ARK2C: variants seen among roughly 807,000 people sequenced by gnomAD.
The protein encoded by ARK2C is E3 ubiquitin-protein ligase ARK2C.
chr18:46,435,625 C>T, the ARK2C span, among the ~76,000 whole-genome samples: 2 of 152,144 alleles, frequency 1.3e-5, no homozygotes, highest in African/African-American at 2.4e-5. Context: ...ATATGCCCAT[C>T]GTAGGACACA....
At chr18:46,368,337 G>A in the ARK2C span, among the ~76,000 whole-genome samples, 1 of 152,092 alleles carries the variant, frequency 6.6e-6, no homozygotes, top group East Asian at 1.9e-4. Flanking sequence ...TTCCCCCATT[G>A]CCTCCCTTTC....
the ARK2C span, among the ~76,000 whole-genome samples, chr18:46,363,090 A>C: frequency 6.6e-6 from 1 of 152,134 alleles, no homozygotes; most frequent in Non-Finnish European, 1.5e-5. Context: ...CTATATCCCC[A>C]TTGTCTGGCC....
At chr18:46,395,943 C>T in the ARK2C span, among the ~76,000 whole-genome samples, 4 of 152,198 alleles carry the variant, frequency 2.6e-5, no homozygotes, top group Admixed American at 1.3e-4. Context: ...CACTCAGACA[C>T]GTGTGGCTTG....
At chr18:46,342,905 G>GT in the ARK2C span, among the ~76,000 whole-genome samples, 1 of 152,160 alleles carries the variant, frequency 6.6e-6, no homozygotes, top group Non-Finnish European at 1.5e-5. Context: ...TTTTGGGGGG[G>GT]AGTGGAGCTG....
the ARK2C span, among the ~76,000 whole-genome samples, chr18:46,370,983 T>C: frequency 6.6e-6 from 1 of 152,064 alleles, no homozygotes; most frequent in Non-Finnish European, 1.5e-5. Flanking sequence ...GGGTAATTTA[T>C]AAAGAAAAAG....
chr18:46,371,883 C>T, the ARK2C span, among the ~76,000 whole-genome samples: 4 of 152,220 alleles, frequency 2.6e-5, no homozygotes, highest in African/African-American at 9.6e-5. Flanking sequence ...TAGACTTAGA[C>T]ATAGGCTGGG....
the ARK2C span, among the ~76,000 whole-genome samples, chr18:46,396,896 A>G: frequency 6.2e-4 from 95 of 152,278 alleles, no homozygotes; most frequent in African/African-American, 2.0e-3. Context: ...TAATTGTCCA[A>G]CTGGCTCAGT....
chr18:46,343,807 C>A, the ARK2C span, among the ~76,000 whole-genome samples: 1 of 152,212 alleles, frequency 6.6e-6, no homozygotes, highest in East Asian at 1.9e-4. Context: ...CCAGGTCATA[C>A]CATGCAGTAG....
At chr18:46,441,354 G>C in the ARK2C span, among the ~76,000 whole-genome samples, 4 of 152,130 alleles carry the variant, frequency 2.6e-5, no homozygotes, top group African/African-American at 9.7e-5. Flanking sequence ...CATGTAGCTG[G>C]GATTACAGGT....
chr18:46,368,620 G>T, the ARK2C span, among the ~76,000 whole-genome samples: 235 of 152,318 alleles, frequency 1.5e-3, 1 homozygote, highest in Middle Eastern at 6.8e-3. Flanking sequence ...CTATGGAGTC[G>T]AGTCTTAATC....
chr18:46,459,842 A>T, the ARK2C span: 1 of 152,684 alleles, frequency 6.5e-6, no homozygotes, highest in Non-Finnish European at 1.5e-5. Context: ...CCTCCTGCTC[A>T]ACTCAAGGGA....
chr18:46,366,249 G>A, the ARK2C span, among the ~76,000 whole-genome samples: 5 of 131,784 alleles, frequency 3.8e-5, no homozygotes, highest in South Asian at 1.0e-3. Flanking sequence ...CCAAGATCAC[G>A]CCAGTGCACT....
the ARK2C span, among the ~76,000 whole-genome samples, chr18:46,361,179 G>A: frequency 6.6e-6 from 1 of 151,986 alleles, no homozygotes; most frequent in South Asian, 2.1e-4. Context: ...AATACCTTTT[G>A]AAACTCCTTA....
At chr18:46,415,544 A>T in the ARK2C span, among the ~76,000 whole-genome samples, 6 of 151,664 alleles carry the variant, frequency 4.0e-5, no homozygotes, top group Non-Finnish European at 8.8e-5. Flanking sequence ...TAAAAAAAAT[A>T]AAAAAATAAA....
chr18:46,418,128 C>A, the ARK2C span, among the ~76,000 whole-genome samples: 1 of 151,996 alleles, frequency 6.6e-6, no homozygotes, highest in Non-Finnish European at 1.5e-5. Flanking sequence ...GCAGGAGGGT[C>A]ACCTGAGGCC....
At chr18:46,441,811 C>T in the ARK2C span, among the ~76,000 whole-genome samples, 6 of 139,552 alleles carry the variant, frequency 4.3e-5, no homozygotes, top group Admixed American at 7.8e-5. Context: ...TGGCGTGAAC[C>T]GGGAGGCGGA....
chr18:46,336,384 C>CAA, the ARK2C span: 3 of 981,318 alleles, frequency 3.1e-6, no homozygotes, highest in Non-Finnish European at 3.6e-6. Flanking sequence ...CCCCCCCCAA[C>CAA]AAAAAAAAAT....
chr18:46,441,832 A>T, the ARK2C span, among the ~76,000 whole-genome samples: 6 of 130,520 alleles, frequency 4.6e-5, no homozygotes, highest in South Asian at 1.3e-3. Context: ...GCTTGCAGTG[A>T]GCCTGGGCGA....
chr18:46,447,551 G>C, the ARK2C span: 1 of 1,614,002 alleles, frequency 6.2e-7, no homozygotes, highest in South Asian at 1.1e-5. Flanking sequence ...CACTGAGGCT[G>C]TTTCCCTGCA....
Sources: allele counts gnomAD v4.1 joint callset (sites outside exome capture counted in the v4.1 genomes callset), GRCh38; gene constraint gnomAD v4.1.1; transcripts MANE v1.5; gene names NCBI Gene and HGNC (gene_info 2026-07-23, HGNC 2026-07-21).